The following RABGAP1L variants were observed in gnomAD, a reference collection of about 807,000 sequenced individuals.
RABGAP1L encodes rab GTPase-activating protein 1-like.
Under a neutral mutation model 137.7 loss-of-function variants are expected in RABGAP1L, and 63 were observed. The ratio of observed to expected loss-of-function variants is 0.46; its 90% CI spans 0.37 to 0.56. RABGAP1L has a LOEUF of 0.56. Among genes scored for constraint, RABGAP1L ranks in the 20% least tolerant of loss-of-function variants. The pLI is 0.00. For missense variants in RABGAP1L, 1,095 were observed against 1,244.0 expected (o/e 0.88, Z 1.80); for synonymous variants, 431 against 433.7 (o/e 0.99, Z 0.08).
intron 12 of RABGAP1L, among the ~76,000 whole-genome samples, chr1:174,372,702 T>C (rs1685204792): frequency 6.6e-6 from 1 of 152,216 alleles, no homozygotes; most frequent in Non-Finnish European, 1.5e-5. Flanking sequence ...TTGTTGTTTT[T>C]TTTTATTCCA....
chr1:174,613,199 T>A (rs911662059), intron 13 of RABGAP1L, among the ~76,000 whole-genome samples: 1 of 151,774 alleles, frequency 6.6e-6, no homozygotes, highest in Non-Finnish European at 1.5e-5. Flanking sequence ...CATTTAGTGC[T>A]ATAAATTTCC....
chr1:174,321,326 G>C (rs190080821), intron 11 of RABGAP1L, among the ~76,000 whole-genome samples: 1 of 152,120 alleles, frequency 6.6e-6, no homozygotes, highest in African/African-American at 2.4e-5. Context: ...GCCCCCATTT[G>C]GCTTGTGATA....
Position 174,618,418 on chromosome 1 carries a change from C to T in RABGAP1L, c.1711-18957C>T, listed in dbSNP as rs148626423. 1.7e-3 allele frequency among the ~76,000 whole-genome samples: 262 copies of T among 152,294 alleles called. 1 individual carries two copies. Among genetic ancestry groups the T allele is most frequent in the African/African-American group, 6.1e-3 (254 of 41,560 alleles). Reference sequence around the variant, plus strand: ...AGTAGGGGCAGACTGACATCTCACACGGCCGAGTACTCCTCTGAGACAAAA... The same window carrying T: ...AGTAGGGGCAGACTGACATCTCACATGGCCGAGTACTCCTCTGAGACAAAA... On this transcript the variant is annotated intron_variant, in intron 13 of 25. Coordinates refer to ENST00000681986, the MANE Select transcript of RABGAP1L (RefSeq NM_001366446.1).
At chr1:174,597,747 T>C (rs1303744124) in intron 13 of RABGAP1L, among the ~76,000 whole-genome samples, 1 of 152,218 alleles carries the variant, frequency 6.6e-6, no homozygotes, top group Admixed American at 6.5e-5. Context: ...GCTTTCATCT[T>C]AGTTATTTCT....
intron 13 of RABGAP1L, among the ~76,000 whole-genome samples, chr1:174,412,924 C>T (rs1195290675): frequency 6.6e-6 from 1 of 152,018 alleles, no homozygotes; most frequent in African/African-American, 2.4e-5. Flanking sequence ...CTTGGACAGT[C>T]TTGTGACTAT....
intron 13 of RABGAP1L, among the ~76,000 whole-genome samples, chr1:174,540,569 G>A (rs1238252933): frequency 6.6e-6 from 1 of 152,130 alleles, no homozygotes; most frequent in Non-Finnish European, 1.5e-5. Context: ...CCCATTTCTT[G>A]TTTTTGTCAG....
chr1:174,222,346 C>A (rs1206230015), intron 3 of RABGAP1L, among the ~76,000 whole-genome samples: 1 of 152,106 alleles, frequency 6.6e-6, no homozygotes, highest in Non-Finnish European at 1.5e-5. Flanking sequence ...AACCTTGGTA[C>A]AGGGTAAGTA....
At chr1:174,442,916 A>G (rs1654319854) in intron 13 of RABGAP1L, among the ~76,000 whole-genome samples, 1 of 151,972 alleles carries the variant, frequency 6.6e-6, no homozygotes, top group Non-Finnish European at 1.5e-5. Flanking sequence ...TTTACTCACT[A>G]CTTCAATAAG....
intron 11 of RABGAP1L, among the ~76,000 whole-genome samples, chr1:174,327,992 T>TATATATATATATATATAC (rs1680656314): frequency 5.2e-5 from 3 of 57,594 alleles, no homozygotes; most frequent in African/African-American, 2.4e-4. Context: ...CACACATATA[T>TATATATATATATATATAC]ATATATATAT....
At chr1:174,580,813 A>G (rs1668690378) in intron 13 of RABGAP1L, among the ~76,000 whole-genome samples, 2 of 152,382 alleles carry the variant, frequency 1.3e-5, no homozygotes, top group Admixed American at 6.5e-5. Context: ...GAATATATCA[A>G]TAATTTTTAT....
intron 14 of RABGAP1L, 91 bp downstream of exon 14, chr1:174,637,579 C>A: frequency 1.2e-6 from 1 of 860,172 alleles, no homozygotes; most frequent in Non-Finnish European, 1.9e-6. Flanking sequence ...GTCTTCATTT[C>A]TTATTTGCAC....
intron 13 of RABGAP1L, among the ~76,000 whole-genome samples, chr1:174,400,412 C>T (rs13374351): frequency 1.3e-4 from 20 of 151,944 alleles, no homozygotes; most frequent in African/African-American, 4.8e-4. Flanking sequence ...CTGTATTGCT[C>T]CTTATGAAAT....
Position 174,912,901 on chromosome 1 carries a change from A to G in RABGAP1L, c.2341-44556A>G, listed in dbSNP as rs139998076. 6.8e-4 allele frequency among the ~76,000 whole-genome samples: 103 copies of G among 152,192 alleles called. 1 individual carries two copies. Among genetic ancestry groups the G allele is most frequent in the African/African-American group, 2.3e-3 (95 of 41,546 alleles). ...GTGTGAAAGCTTTTGTCTCTTTATC[A>G]TATATGGCACAGACAGTACTCTTGG... On this transcript the variant is annotated intron_variant, in intron 19 of 25. Transcript: ENST00000681986.
intron 7 of RABGAP1L, among the ~76,000 whole-genome samples, chr1:174,263,226 A>G (rs1336493762): frequency 6.6e-6 from 1 of 152,176 alleles, no homozygotes; most frequent in African/African-American, 2.4e-5. Context: ...CCTGTGGTCT[A>G]GCTTTGCCTG....
intron 13 of RABGAP1L, among the ~76,000 whole-genome samples, chr1:174,437,833 C>T (rs1040869869): frequency 1.1e-4 from 17 of 152,134 alleles, no homozygotes; most frequent in African/African-American, 4.1e-4. Context: ...GGTCGGGTTA[C>T]CCACAAAGGG....
intron 17 of RABGAP1L, among the ~76,000 whole-genome samples, chr1:174,749,762 C>A (rs181969372): frequency 9.7e-4 from 148 of 152,326 alleles, no homozygotes; most frequent in African/African-American, 3.2e-3. Context: ...CTCAGCCAAT[C>A]TCTTCAGGAT....
chr1:174,170,520 C>T (rs1022280072), intron 1 of RABGAP1L, among the ~76,000 whole-genome samples: 3 of 151,810 alleles, frequency 2.0e-5, no homozygotes, highest in African/African-American at 4.8e-5. Context: ...ACTAAAAATA[C>T]AAAAATTAAC....
intron 19 of RABGAP1L, among the ~76,000 whole-genome samples, chr1:174,940,447 T>A (rs60482554): frequency 0.37 from 55,593 of 151,274 alleles, 13,375 homozygotes; most frequent in African/African-American, 0.69. Flanking sequence ...TAATTTTTTT[T>A]TAAAATTTTT....
intron 15 of RABGAP1L, among the ~76,000 whole-genome samples, chr1:174,684,654 AACAG>A (rs1231755690): frequency 1.3e-5 from 2 of 152,184 alleles, no homozygotes; most frequent in East Asian, 1.9e-4. Flanking sequence ...AATTAAAGGA[AACAG>A]ACAGCAGCAG....
Sources: gnomAD v4.1 joint callset for allele counts (sites outside exome capture counted in the v4.1 genomes callset) on GRCh38, gnomAD v4.1.1 for gene constraint, MANE v1.5 for transcripts, NCBI Gene and HGNC (gene_info 2026-07-23, HGNC 2026-07-21) for gene names.